R3HDM1: variants seen among roughly 807,000 people sequenced by gnomAD.
The protein encoded by R3HDM1 is R3H domain containing 1.
In R3HDM1, 46 loss-of-function variants were observed where a neutral mutation model predicts 141.1. The ratio of observed to expected loss-of-function variants is 0.33; its 90% CI spans 0.26 to 0.42. R3HDM1 has a LOEUF of 0.42. Ranked by LOEUF, R3HDM1 falls within the 10% of genes least tolerant of loss-of-function variation. R3HDM1 has a pLI of 1.00. For missense variants in R3HDM1, 1,184 were observed against 1,368.3 expected (o/e 0.87, Z 2.12); for synonymous variants, 435 against 472.9 (o/e 0.92, Z 1.04).
intron 14 of R3HDM1, among the ~76,000 whole-genome samples, chr2:135,641,034 C>G (rs996192769): frequency 6.6e-6 from 1 of 152,118 alleles, no homozygotes; most frequent in East Asian, 1.9e-4. Flanking sequence ...AAATTAGATT[C>G]TGCAATTAAA....
chr2:135,583,755 G>A (rs922265520), intron 1 of R3HDM1: 2 of 985,276 alleles, frequency 2.0e-6, no homozygotes, highest in Non-Finnish European at 2.4e-6. Flanking sequence ...TACCTGTAAA[G>A]GTTGAGATCT....
chr2:135,640,233 A>G (rs528469844), intron 14 of R3HDM1, among the ~76,000 whole-genome samples: 1 of 152,344 alleles, frequency 6.6e-6, no homozygotes, highest in Non-Finnish European at 1.5e-5. Context: ...GCTTTAAATT[A>G]TTAAGGCTTA....
rs1261941001 is a variant in R3HDM1, at chr2:135,590,323, T to TAG, written c.-249-12166_-249-12165dup. ...ATGTCAGACTTCAGCTTGGGGTCAC[T>TAG]AGAGAGAGAGAGCAGAACATTTTTT... On this transcript the variant is annotated intron_variant, in intron 1 of 26. Coordinates refer to ENST00000683871, the MANE Select transcript of R3HDM1 (RefSeq NM_001378107.1). Among the ~76,000 whole-genome samples the TAG allele has an allele frequency of 2.6e-5, 4 of 151,956 alleles. No individual in the cohort carries two copies. The South Asian group carries it at 6.2e-4, about 24-fold the overall frequency.
intron 21 of R3HDM1, among the ~76,000 whole-genome samples, chr2:135,709,135 G>T (rs13017421): frequency 1.3e-5 from 2 of 151,600 alleles, no homozygotes; most frequent in Non-Finnish European, 2.9e-5. Flanking sequence ...GTGCAGTGGC[G>T]CAATCTCGGC....
In R3HDM1 at chr2:135,722,413, A is replaced by G; in HGVS notation, c.2965-56A>G. The G allele has an allele frequency of 3.2e-6, 5 of 1,568,588 alleles. No individual in the cohort carries two copies. In the South Asian group the frequency reaches 3.4e-5, roughly 11 times the overall value. ...TTTGGTGTTAATTTGTTAAACATCCAAAGTGTGTTTTTCAGCATTATTAAC... is the reference window on the plus strand; with the variant it reads ...TTTGGTGTTAATTTGTTAAACATCCGAAGTGTGTTTTTCAGCATTATTAAC... On this transcript the variant is annotated intron_variant, in intron 25 of 26. Transcript: ENST00000683871.
chr2:135,711,324 T>TAA (rs1328395288), intron 23 of R3HDM1, among the ~76,000 whole-genome samples: 1 of 152,234 alleles, frequency 6.6e-6, no homozygotes. Flanking sequence ...TCAAGAGGTA[T>TAA]AATATCAGAT....
chr2:135,660,306 G>C (rs1026456449), intron 18 of R3HDM1, among the ~76,000 whole-genome samples: 3 of 152,088 alleles, frequency 2.0e-5, no homozygotes, highest in Non-Finnish European at 2.9e-5. Context: ...TCTTGGGATA[G>C]GGCCCAAAGT....
chr2:135,628,696 G>A lies in R3HDM1; in HGVS notation c.498-3022G>A, dbSNP rs1378842593. On this transcript the variant is annotated intron_variant, in intron 7 of 26. Transcript: ENST00000683871. ...GGCTGGAGTGCAATGGCACAATCTC[G>A]GCTCACAGCAACCTCCGCCTCCCGG... is the stretch of plus-strand genomic sequence containing the variant. 8.5e-5 allele frequency among the ~76,000 whole-genome samples: 13 copies of A among 152,112 alleles called. No individual in the cohort carries two copies. The East Asian group carries it at 2.1e-3, about 25-fold the overall frequency.
intron 1 of R3HDM1, among the ~76,000 whole-genome samples, chr2:135,538,875 A>G (rs759748693): frequency 3.3e-5 from 5 of 152,174 alleles, no homozygotes; most frequent in Non-Finnish European, 4.4e-5. Flanking sequence ...CAGCCTCCCA[A>G]TGTGCTTGGA....
At chr2:135,531,946 G>A (rs2104860982) in intron 1 of R3HDM1, among the ~76,000 whole-genome samples, 1 of 152,312 alleles carries the variant, frequency 6.6e-6, no homozygotes, top group Non-Finnish European at 1.5e-5. Flanking sequence ...CATGTGAAAA[G>A]CAAACCCCTC....
At chr2:135,643,654 A>G (rs1269534064) in intron 15 of R3HDM1, among the ~76,000 whole-genome samples, 2 of 152,228 alleles carry the variant, frequency 1.3e-5, no homozygotes, top group African/African-American at 4.8e-5. Context: ...ACAGTATCTG[A>G]AATGTTAACG....
At chr2:135,566,682 G>A in intron 1 of R3HDM1, 2 of 926,154 alleles carry the variant, frequency 2.2e-6, no homozygotes, top group Non-Finnish European at 2.6e-6. Flanking sequence ...TTAGAAGGCT[G>A]TTTGGTGAGC....
chr2:135,656,065 C>A (rs1014976430), intron 18 of R3HDM1, among the ~76,000 whole-genome samples: 2 of 152,068 alleles, frequency 1.3e-5, no homozygotes, highest in African/African-American at 4.8e-5. Flanking sequence ...CTTTTAAGTT[C>A]TATCAGTTTT....
chr2:135,622,750 A>G lies in R3HDM1; in HGVS notation c.497+18A>G. On this transcript the variant is annotated intron_variant, in intron 7 of 26. Coordinates refer to ENST00000683871, the MANE Select transcript of R3HDM1 (RefSeq NM_001378107.1). ...AATCCCAGGTAAAAATTAAATTTAT[A>G]AGGTTTCCATTGCTTCTAGAGTACC... 1 of 1,550,668 alleles carries G rather than the reference A, an allele frequency of 6.4e-7. No homozygotes were observed. The highest frequency in any genetic ancestry group is 8.8e-7 in the Non-Finnish European group (1 of 1,140,214).
At position 135,672,482 on chromosome 2, in the gene R3HDM1, A is replaced by G. The variant is rs143714369; in HGVS notation, c.2153-2850A>G. ...TCCAAGCCCAAATGTCACTACCTTTATAAATATCAGTCAGGACTAATTTCT... is the reference window on the plus strand; with the variant it reads ...TCCAAGCCCAAATGTCACTACCTTTGTAAATATCAGTCAGGACTAATTTCT... On this transcript the variant is annotated intron_variant, in intron 19 of 26. Transcript: ENST00000683871. 2.1e-4 allele frequency among the ~76,000 whole-genome samples: 32 copies of G among 152,302 alleles called. No homozygotes were observed. The East Asian group carries it at 5.6e-3, about 27-fold the overall frequency.
chr2:135,594,978 C>CT (rs1553550339), intron 1 of R3HDM1, among the ~76,000 whole-genome samples: 1 of 83,692 alleles, frequency 1.2e-5, no homozygotes, highest in Middle Eastern at 6.0e-3. Context: ...GGATTCTACA[C>CT]CCCCCCCCCT....
chr2:135,723,735 C>A (rs1229501301), intron 26 of R3HDM1, among the ~76,000 whole-genome samples: 1 of 140,346 alleles, frequency 7.1e-6, no homozygotes, highest in Non-Finnish European at 1.5e-5. Flanking sequence ...CGAGATCACA[C>A]CGCTGCACTC....
chr2:135,537,563 G>A (rs1390266474), intron 1 of R3HDM1, among the ~76,000 whole-genome samples: 3 of 151,614 alleles, frequency 2.0e-5, no homozygotes, highest in Non-Finnish European at 4.4e-5. Flanking sequence ...TGGGATTACA[G>A]GCGTGAGCCA....
chr2:135,630,299 A>AAC (rs2062560643), intron 7 of R3HDM1, among the ~76,000 whole-genome samples: 1 of 146,634 alleles, frequency 6.8e-6, no homozygotes, highest in African/African-American at 2.7e-5. Context: ...AAAAAAAAAA[A>AAC]AAAAAAAAAC....
Sources: gnomAD v4.1 joint callset for allele counts (sites outside exome capture counted in the v4.1 genomes callset) on GRCh38, gnomAD v4.1.1 for gene constraint, MANE v1.5 for transcripts, NCBI Gene and HGNC (gene_info 2026-07-23, HGNC 2026-07-21) for gene names.